PRSS12: variants seen among roughly 807,000 people sequenced by gnomAD.
The protein encoded by PRSS12 is serine protease 12, also known as neurotrypsin.
In PRSS12, 85 loss-of-function variants were observed where a neutral mutation model predicts 104.4. That is an observed-to-expected ratio of 0.81 (90% CI 0.68 to 0.98). The LOEUF is 0.98. PRSS12 is among the 50% of genes least tolerant of loss of function. The pLI is 0.00. For missense variants in PRSS12, 1,141 were observed against 1,139.2 expected, an observed-to-expected ratio of 1.00 and a Z score of -0.02; for synonymous variants, 454 against 425.2, an observed-to-expected ratio of 1.07 and a Z score of -0.83.
intron 9 of PRSS12, among the ~76,000 whole-genome samples, chr4:118,298,281 C>T (rs767897044): frequency 3.3e-5 from 5 of 151,912 alleles, no homozygotes; most frequent in Non-Finnish European, 7.4e-5. Context: ...ATAAAATCTA[C>T]AAAACATCAT....
At chr4:118,297,045 C>T (rs1259008122) in intron 9 of PRSS12, among the ~76,000 whole-genome samples, 2 of 152,096 alleles carry the variant, frequency 1.3e-5, no homozygotes, top group Non-Finnish European at 2.9e-5. Flanking sequence ...AAGTCATACA[C>T]TATTATTTAA....
chr4:118,335,790 A>G lies in PRSS12; in HGVS notation c.642-139T>C, dbSNP rs140473072. The G allele has an allele frequency of 2.9e-4, 237 of 824,088 alleles. 1 individual carries two copies. The African/African-American group carries it at 3.7e-3, about 13-fold the overall frequency. The allele number at this position is 824,088 out of a possible 1,614,324, so 51.0% of individuals were successfully genotyped here. Reference sequence around the variant, plus strand: ...CAAAGAAAGAAAGAAGAAAAACACAAAAGACTACATCAGTTTCAAGGAAAT... The same window carrying G: ...CAAAGAAAGAAAGAAGAAAAACACAGAAGACTACATCAGTTTCAAGGAAAT... On this transcript the variant is annotated intron_variant, in intron 2 of 12. Coordinates refer to ENST00000296498, the MANE Select transcript of PRSS12 (RefSeq NM_003619.4).
intron 11 of PRSS12, among the ~76,000 whole-genome samples, chr4:118,292,072 A>G (rs1398372263): frequency 6.6e-6 from 1 of 151,512 alleles, no homozygotes. Flanking sequence ...TTTTTTTTTT[A>G]GAAGAAATTT....
chr4:118,294,877 G>A, intron 11 of PRSS12, 62 bp downstream of exon 11: 12 of 1,605,162 alleles, frequency 7.5e-6, no homozygotes, highest in Non-Finnish European at 1.0e-5. Flanking sequence ...TAGAGCATGA[G>A]GGGATTGGAA....
chr4:118,319,810 T>G (rs1421544069), intron 4 of PRSS12, among the ~76,000 whole-genome samples: 1 of 152,094 alleles, frequency 6.6e-6, no homozygotes, highest in Non-Finnish European at 1.5e-5. Flanking sequence ...CCTCAGTATC[T>G]GGGACTATAA....
At chr4:118,311,395 G>C (rs1743722884) in intron 7 of PRSS12, among the ~76,000 whole-genome samples, 1 of 152,076 alleles carries the variant, frequency 6.6e-6, no homozygotes, top group Non-Finnish European at 1.5e-5. Flanking sequence ...CCTTCAAATA[G>C]CTGAAAACAG....
intron 3 of PRSS12, among the ~76,000 whole-genome samples, chr4:118,332,485 A>T (rs1269401250): frequency 6.6e-6 from 1 of 152,160 alleles, no homozygotes; most frequent in African/African-American, 2.4e-5. Context: ...TACAGCCCTG[A>T]TCTAGCCCTT....
At position 118,283,067 on chromosome 4, in the gene PRSS12, T is replaced by TA; in HGVS notation, c.2083dup (p.Tyr695LeufsTer10). On this transcript the variant is annotated frameshift_variant, in exon 12 of 13. Coordinates refer to ENST00000296498, the MANE Select transcript of PRSS12 (RefSeq NM_003619.4). LOFTEE classifies it high-confidence loss of function. ...AAACTCCTCTGGTACCAGAGTATGA[T>TA]AATCTCCAACCCTAACAGCATAGCT... 1 of 1,614,230 alleles carries TA rather than the reference T, an allele frequency of 6.2e-7. No homozygotes were observed. The highest frequency in any genetic ancestry group is 1.1e-5 in the South Asian group (1 of 91,088).
intron 3 of PRSS12, 136 bp from the exon 4 acceptor site, chr4:118,332,002 C>CTT: frequency 9.8e-7 from 1 of 1,017,744 alleles, no homozygotes. Context: ...TATGGACATA[C>CTT]GTATATATAT....
At chr4:118,324,739 CAG>C in intron 4 of PRSS12, among the ~76,000 whole-genome samples, 1 of 152,116 alleles carries the variant, frequency 6.6e-6, no homozygotes, top group East Asian at 1.9e-4. Flanking sequence ...TTTTTGAAGA[CAG>C]AGTCTCTGTC....
Position 118,281,693 on chromosome 4 carries a change from G to A in PRSS12, c.*243C>T, listed in dbSNP as rs573082281. ...ATAGGTAGGGGATAGATGAGGCTTA[G>A]AATAAGTCACTCCAGTGAAATTAGG... On this transcript the variant is annotated 3_prime_UTR_variant, in exon 13 of 13. Coordinates refer to ENST00000296498, the MANE Select transcript of PRSS12 (RefSeq NM_003619.4). The A allele has an allele frequency of 7.0e-4, 387 of 556,682 alleles. 2 individuals are homozygous for A. The highest frequency in any genetic ancestry group is 4.9e-4 in the Middle Eastern group (1 of 2,032). The allele number at this position is 556,682 out of a possible 1,614,324, so 34.5% of individuals were successfully genotyped here. A position where few individuals can be genotyped will look rare whatever the true frequency, so the allele number is the denominator to read the frequency against.
intron 8 of PRSS12, among the ~76,000 whole-genome samples, chr4:118,308,066 A>C (rs561957653): frequency 1.1e-4 from 17 of 152,316 alleles, no homozygotes; most frequent in African/African-American, 3.8e-4. Context: ...AAAAATGAGA[A>C]CCAACAGTAA....
In PRSS12 at chr4:118,307,898, C is replaced by CA. The variant is rs59906513; in HGVS notation, c.1631+537dup. On this transcript the variant is annotated intron_variant, in intron 8 of 12. Transcript: ENST00000296498. ...CATCAGCAAAGCAAGCACAGAAATG[C>CA]AAAAAAAAAAAAATTGGCACCACAC... is the stretch of plus-strand genomic sequence containing the variant. Among the ~76,000 whole-genome samples the CA allele has an allele frequency of 4.0e-3, 537 of 135,028 alleles. 1 individual carries two copies. The highest frequency in any genetic ancestry group is 7.4e-3 in the Middle Eastern group (2 of 270). 88.6% of individuals were successfully genotyped at this position (135,028 alleles called of 152,430 possible). A position where few individuals can be genotyped will look rare whatever the true frequency, so the allele number is the denominator to read the frequency against.
At position 118,281,627 on chromosome 4, in the gene PRSS12, AAAT is replaced by A. The variant is rs1173986325; in HGVS notation, c.*306_*308del. 2 of 401,122 alleles carry A rather than the reference AAAT, an allele frequency of 5.0e-6. No individual in the cohort carries two copies. Among genetic ancestry groups the A allele is most frequent in the Non-Finnish European group, 9.3e-6 (2 of 214,394 alleles). 24.8% of individuals were successfully genotyped at this position (401,122 alleles called of 1,614,324 possible). ...AAAGGGGTTCTCAGTTCAAATGTAA[AAAT>A]GATCTTTTGTAAAATCAGCATAGAA... is the stretch of plus-strand genomic sequence containing the variant. On this transcript the variant is annotated 3_prime_UTR_variant, in exon 13 of 13. Coordinates refer to ENST00000296498, the MANE Select transcript of PRSS12 (RefSeq NM_003619.4).
intron 1 of PRSS12, among the ~76,000 whole-genome samples, chr4:118,344,507 G>A (rs1048614261): frequency 3.9e-5 from 6 of 151,968 alleles, no homozygotes; most frequent in Non-Finnish European, 7.4e-5. Flanking sequence ...TTTTATTCAA[G>A]TCATCCCAGG....
At chr4:118,331,544 G>A (rs1369954904) in intron 4 of PRSS12, among the ~76,000 whole-genome samples, 172 bp downstream of exon 4, 1 of 152,162 alleles carries the variant, frequency 6.6e-6, no homozygotes, top group Non-Finnish European at 1.5e-5. Context: ...TAAACCTACA[G>A]AGTACACGTT....
In PRSS12 at chr4:118,352,351, G is replaced by A; in HGVS notation, c.370C>T (p.Pro124Ser). Residue 124 changes from proline to serine, a missense_variant, in exon 1 of 13, where the codon CCA (proline) becomes TCA (serine). By Grantham distance (74) the Pro-to-Ser change is moderately conservative. Transcript: ENST00000296498. ...EVPPFLERSPPASWAQLRGQR... is the reference protein window; with the variant it reads ...EVPPFLERSPSASWAQLRGQR... Reference sequence around the variant, plus strand: ...CCTCGCAGCTGAGCCCAGCTCGCTGGGGGCGACCGCTCCAGGAAGGGTGGC... The same window carrying A: ...CCTCGCAGCTGAGCCCAGCTCGCTGAGGGCGACCGCTCCAGGAAGGGTGGC... The A allele has an allele frequency of 6.4e-7, 1 of 1,572,530 alleles. No individual in the cohort carries two copies. The highest frequency in any genetic ancestry group is 8.6e-7 in the Non-Finnish European group (1 of 1,164,698).
chr4:118,295,119 G>A, intron 10 of PRSS12, 58 bp from the exon 11 acceptor site: 9 of 1,592,202 alleles, frequency 5.7e-6, no homozygotes, highest in African/African-American at 2.7e-5. Context: ...GCAAAGGAAA[G>A]CACTGGTTAA....
chr4:118,299,021 C>A, intron 8 of PRSS12, 83 bp from the exon 9 acceptor site: 1 of 1,451,950 alleles, frequency 6.9e-7, no homozygotes, highest in Non-Finnish European at 9.5e-7. Flanking sequence ...CAATTTTATT[C>A]CTTAATTTTT....
Sources: gnomAD v4.1 joint callset for allele counts (sites outside exome capture counted in the v4.1 genomes callset) on GRCh38, gnomAD v4.1.1 for gene constraint, MANE v1.5 for transcripts, NCBI Gene and HGNC (gene_info 2026-07-23, HGNC 2026-07-21) for gene names.